The following RIPOR2 variants were observed in gnomAD, a reference collection of about 807,000 sequenced individuals.
The protein encoded by RIPOR2 is RHO family interacting cell polarization regulator 2.
A neutral mutation model predicts 114.5 loss-of-function variants in RIPOR2; 39 were observed. That is an observed-to-expected ratio of 0.34 (90% CI 0.26 to 0.44). The LOEUF is 0.44. RIPOR2 is among the 20% of genes least tolerant of loss of function. The pLI is 1.00. For synonymous variants in RIPOR2, 445 were observed against 484.4 expected (o/e 0.92, Z 1.07); for missense variants, 1,007 against 1,255.1 (o/e 0.80, Z 2.99).
At chr6:24,857,414 A>G (rs886989596) in intron 8 of RIPOR2, among the ~76,000 whole-genome samples, 165 of 152,170 alleles carry the variant, frequency 1.1e-3, no homozygotes, top group African/African-American at 3.8e-3. Flanking sequence ...ATACCTTTGG[A>G]TGTTTCACGG....
At chr6:24,956,292 T>A (rs982531327) in intron 1 of RIPOR2, among the ~76,000 whole-genome samples, 3 of 152,194 alleles carry the variant, frequency 2.0e-5, no homozygotes, top group African/African-American at 4.8e-5. Context: ...CATAAATATT[T>A]TTGCATGACT....
At chr6:24,845,659 G>A (rs1762191868) in intron 12 of RIPOR2, among the ~76,000 whole-genome samples, 1 of 152,098 alleles carries the variant, frequency 6.6e-6, no homozygotes, top group Admixed American at 6.6e-5. Flanking sequence ...CTGCCCAAGG[G>A]GACTTGCAGT....
At chr6:25,024,418 C>G (rs1776501765) in intron 1 of RIPOR2, 12 of 1,088,690 alleles carry the variant, frequency 1.1e-5, no homozygotes, top group Middle Eastern at 3.0e-4. Context: ...TTCACCCACA[C>G]GAGGATGCAG....
intron 1 of RIPOR2, among the ~76,000 whole-genome samples, chr6:24,903,393 C>T (rs1463635349): frequency 6.6e-6 from 1 of 152,010 alleles, no homozygotes; most frequent in African/African-American, 2.4e-5. Flanking sequence ...GTATCAGAGT[C>T]ACTTTATTGA....
At chr6:24,852,498 A>T in intron 9 of RIPOR2, 77 bp downstream of exon 9, 1 of 1,123,182 alleles carries the variant, frequency 8.9e-7, no homozygotes, top group Non-Finnish European at 1.3e-6. Flanking sequence ...CAACTTGAAA[A>T]GCAAAATAAT....
intron 6 of RIPOR2, among the ~76,000 whole-genome samples, chr6:24,867,184 C>T (rs1764689078): frequency 6.6e-6 from 1 of 152,332 alleles, no homozygotes; most frequent in South Asian, 2.1e-4. Context: ...CATCTTTAAT[C>T]TTCAGGGTCA....
chr6:24,862,416 T>C (rs1764152756), intron 7 of RIPOR2, among the ~76,000 whole-genome samples: 1 of 152,226 alleles, frequency 6.6e-6, no homozygotes, highest in Non-Finnish European at 1.5e-5. Flanking sequence ...TTGAATTCTG[T>C]ATGCTGAGGA....
intron 1 of RIPOR2, among the ~76,000 whole-genome samples, chr6:24,954,458 T>A (rs1395832245): frequency 7.1e-6 from 1 of 139,884 alleles, no homozygotes; most frequent in African/African-American, 2.5e-5. Flanking sequence ...TCTCTCTCCT[T>A]TTTTTTTTTT....
intron 19 of RIPOR2, among the ~76,000 whole-genome samples, chr6:24,820,620 T>C (rs1759600024): frequency 6.6e-6 from 1 of 152,178 alleles, no homozygotes; most frequent in African/African-American, 2.4e-5. Flanking sequence ...ATTCACACAA[T>C]ATGTAGCCTC....
chr6:24,957,936 A>G (rs551820804), intron 1 of RIPOR2, among the ~76,000 whole-genome samples: 12 of 152,276 alleles, frequency 7.9e-5, no homozygotes, highest in African/African-American at 2.9e-4. Flanking sequence ...AATCCTTCTG[A>G]TAACACTGTT....
rs1562247512 is a variant in RIPOR2 at position 24,843,356 on chromosome 6, C to T, written c.1363G>A (p.Glu455Lys). The change falls in exon 13 of 22, where the codon GAG (glutamate) becomes AAG (lysine). Residue 455 changes from glutamate to lysine, a missense_variant. Transcript: ENST00000643898. Reference protein sequence around the residue: ...FNLSSLASQNEGMDDTSSASS... With the variant: ...FNLSSLASQNKGMDDTSSASS... ...GCTGAGCTGGTGTCATCCATACCCT[C>T]ATTCTGGGAGGCCAAGCTGCTGAGG... 3.1e-6 allele frequency: 5 copies of T among 1,613,916 alleles called. No homozygotes were observed. The highest frequency in any genetic ancestry group is 1.6e-4 in the Middle Eastern group (1 of 6,062).
intron 1 of RIPOR2, among the ~76,000 whole-genome samples, chr6:24,969,452 A>G (rs144654582): frequency 2.4e-4 from 36 of 152,336 alleles, no homozygotes; most frequent in Non-Finnish European, 4.1e-4. Context: ...TTCTGGTTGC[A>G]TATTCTAGTG....
chr6:24,992,944 G>T (rs1430900427), intron 1 of RIPOR2, among the ~76,000 whole-genome samples: 1 of 152,144 alleles, frequency 6.6e-6, no homozygotes, highest in Non-Finnish European at 1.5e-5. Flanking sequence ...AGCAAACAAA[G>T]TGCCACCAGG....
At chr6:24,994,885 T>C (rs978820440) in intron 1 of RIPOR2, among the ~76,000 whole-genome samples, 27 of 152,222 alleles carry the variant, frequency 1.8e-4, no homozygotes, top group Admixed American at 9.2e-4. Context: ...ATTTCTTGGA[T>C]GTATTGATTC....
At chr6:24,860,913 A>G (rs1764008801) in intron 8 of RIPOR2, 60 bp downstream of exon 8, 2 of 1,102,306 alleles carry the variant, frequency 1.8e-6, no homozygotes, top group Admixed American at 4.6e-5. Flanking sequence ...CTCAAACTTC[A>G]AGGAGCTCTG....
chr6:24,811,586 A>G (rs1781166414), intron 20 of RIPOR2, among the ~76,000 whole-genome samples: 1 of 151,738 alleles, frequency 6.6e-6, no homozygotes, highest in Non-Finnish European at 1.5e-5. Context: ...TTTGTGATGA[A>G]AGTAGGTCAA....
At chr6:24,852,962 C>T (rs753994614) in intron 8 of RIPOR2, among the ~76,000 whole-genome samples, 6 of 152,140 alleles carry the variant, frequency 3.9e-5, no homozygotes, top group Non-Finnish European at 7.3e-5. Flanking sequence ...ATTTATTTAT[C>T]CAACATATTC....
chr6:24,999,845 C>T (rs979721063), intron 1 of RIPOR2, among the ~76,000 whole-genome samples: 6 of 152,198 alleles, frequency 3.9e-5, no homozygotes, highest in African/African-American at 9.6e-5. Context: ...CATGAGCTAC[C>T]GCGCCCAGCC....
At chr6:24,944,655 C>G (rs996446440) in intron 1 of RIPOR2, among the ~76,000 whole-genome samples, 9 of 152,296 alleles carry the variant, frequency 5.9e-5, no homozygotes, top group Middle Eastern at 3.4e-3. Flanking sequence ...TGGCTGCAAA[C>G]TTCCCAGATT....
Sources: gnomAD v4.1 joint callset for allele counts (sites outside exome capture counted in the v4.1 genomes callset) on GRCh38, gnomAD v4.1.1 for gene constraint, MANE v1.5 for transcripts, NCBI Gene and HGNC (gene_info 2026-07-23, HGNC 2026-07-21) for gene names.